ACVR1B: variants seen among roughly 807,000 people sequenced by gnomAD.
ACVR1B encodes activin receptor type-1B.
Under a neutral mutation model 55.6 loss-of-function variants are expected in ACVR1B, and 15 were observed. That is an observed-to-expected ratio of 0.27 (90% CI 0.18 to 0.42). The LOEUF (loss-of-function observed/expected upper bound fraction) is 0.42, where lower values mean the gene tolerates loss of function less well. Ranked by LOEUF, ACVR1B falls within the 10% of genes least tolerant of loss-of-function variation. The pLI, the probability that ACVR1B is intolerant of heterozygous loss-of-function variation, is 1.00. For missense variants in ACVR1B, 359 were observed against 670.1 expected, an observed-to-expected ratio of 0.54 and a Z score of 5.13; for synonymous variants, 247 against 254.6, an observed-to-expected ratio of 0.97 and a Z score of 0.28.
chr12:51,991,444 C>T (rs991406908), intron 7 of ACVR1B, among the ~76,000 whole-genome samples: 92 of 152,318 alleles, frequency 6.0e-4, no homozygotes, highest in African/African-American at 2.2e-3. Context: ...CACTCTTGTC[C>T]AGGCTGGAGT....
At chr12:51,979,154 G>A (rs1392682441) in intron 3 of ACVR1B, among the ~76,000 whole-genome samples, 1 of 109,286 alleles carries the variant, frequency 9.2e-6, no homozygotes, top group African/African-American at 3.9e-5. Flanking sequence ...CAAGAGCAAA[G>A]CTCCGTCTCA....
chr12:51,966,719 G>A (rs1941647570), intron 1 of ACVR1B, among the ~76,000 whole-genome samples: 1 of 152,152 alleles, frequency 6.6e-6, no homozygotes, highest in East Asian at 1.9e-4. Flanking sequence ...AAAGTGCTGG[G>A]ATTACAGGTG....
intron 1 of ACVR1B, among the ~76,000 whole-genome samples, chr12:51,955,747 G>A (rs527795418): frequency 3.9e-5 from 6 of 152,152 alleles, no homozygotes; most frequent in Non-Finnish European, 8.8e-5. Context: ...TTTCCTCTCT[G>A]TATTCATAAA....
At chr12:51,955,732 C>T (rs1184649560) in intron 1 of ACVR1B, among the ~76,000 whole-genome samples, 1 of 152,170 alleles carries the variant, frequency 6.6e-6, no homozygotes, top group African/African-American at 2.4e-5. Flanking sequence ...GGGTCTTAAT[C>T]TCATTTTCCT....
intron 1 of ACVR1B, among the ~76,000 whole-genome samples, chr12:51,962,679 C>T (rs1941558147): frequency 6.6e-6 from 1 of 152,088 alleles, no homozygotes; most frequent in African/African-American, 2.4e-5. Context: ...TAGTGCCAGA[C>T]ATTTTTTAAC....
At chr12:51,957,163 A>G (rs1237327968) in intron 1 of ACVR1B, among the ~76,000 whole-genome samples, 1 of 152,046 alleles carries the variant, frequency 6.6e-6, no homozygotes, top group African/African-American at 2.4e-5. Flanking sequence ...AGAGTGTATC[A>G]TAGGCCAGGC....
At chr12:51,977,783 ATT>A (rs748536892) in intron 3 of ACVR1B, among the ~76,000 whole-genome samples, 23 of 103,270 alleles carry the variant, frequency 2.2e-4, no homozygotes, top group African/African-American at 6.1e-4. Flanking sequence ...AAGCCTGGCA[ATT>A]TTTTTTTTTT....
At chr12:51,959,614 T>G (rs1941479239) in intron 1 of ACVR1B, among the ~76,000 whole-genome samples, 2 of 152,120 alleles carry the variant, frequency 1.3e-5, no homozygotes, top group Non-Finnish European at 1.5e-5. Context: ...GTTTAAAAAA[T>G]GTATGCATTG....
rs758529339 is a variant in ACVR1B at position 51,976,403 on chromosome 12, C to G, written c.408C>G (p.Phe136Leu). The G allele has an allele frequency of 6.2e-7, 1 of 1,614,166 alleles. No homozygotes were observed. Residue 136 changes from phenylalanine (F) to leucine (L), a missense_variant, in exon 3 of 9, where the codon TTC becomes TTG. Around this residue, in one of 5 missense-constraint regions of ACVR1B, gnomAD observed 133 missense variants for 188.2 expected, o/e 0.71. Transcript: ENST00000257963. The part of the protein sequence containing the change: ...ELVGIIAGPV[F>L]LLFLIIIIVF... ...TAGGCATCATCGCCGGCCCGGTGTT[C>G]CTCCTGTTCCTCATCATCATCATTG...
chr12:51,972,332 G>A (rs1041976655), intron 1 of ACVR1B, among the ~76,000 whole-genome samples: 1 of 152,176 alleles, frequency 6.6e-6, no homozygotes, highest in Non-Finnish European at 1.5e-5. Flanking sequence ...GTCAGTGAGG[G>A]ACCACACTGT....
chr12:51,962,452 T>C (rs1484394507), intron 1 of ACVR1B, among the ~76,000 whole-genome samples: 1 of 152,220 alleles, frequency 6.6e-6, no homozygotes, highest in African/African-American at 2.4e-5. Context: ...AGCTTTTTGT[T>C]TTAATGTATT....
At chr12:51,991,827 G>A (rs955677676) in intron 7 of ACVR1B, 36 bp from the exon 8 acceptor site, 67 of 1,600,820 alleles carry the variant, frequency 4.2e-5, no homozygotes, top group Non-Finnish European at 5.5e-5. Flanking sequence ...TTTTCCTGCT[G>A]TTGATAACTC....
At chr12:51,961,637 C>T (rs1293072357) in intron 1 of ACVR1B, among the ~76,000 whole-genome samples, 1 of 152,162 alleles carries the variant, frequency 6.6e-6, no homozygotes. Context: ...TCTTCTCACT[C>T]AAAACTGTGA....
intron 7 of ACVR1B, among the ~76,000 whole-genome samples, chr12:51,989,074 T>C (rs1462579134): frequency 6.6e-6 from 1 of 152,084 alleles, no homozygotes; most frequent in Non-Finnish European, 1.5e-5. Flanking sequence ...GCCTGGCCAA[T>C]GTGAAGCCCT....
chr12:51,976,613 T>A (rs759425901), intron 3 of ACVR1B, 38 bp downstream of exon 3: 1 of 1,606,870 alleles, frequency 6.2e-7, no homozygotes, highest in South Asian at 1.1e-5. Flanking sequence ...TGTGGTTGGC[T>A]TTCATCAGTT....
chr12:51,996,779 G>A lies in ACVR1B; in HGVS notation c.*2669G>A, dbSNP rs1367504158. 6.6e-6 allele frequency: 1 copy of A among 152,566 alleles called. No individual in the cohort carries two copies. Among genetic ancestry groups the A allele is most frequent in the Non-Finnish European group, 1.5e-5 (1 of 68,040 alleles). 9.5% of individuals were successfully genotyped at this position (152,566 alleles called of 1,614,324 possible). ...AGAGTTGGGGAGAAACTGAAGCCGT[G>A]TTTTTGGCCCCCCGAGGCTAACCCT... On this transcript the variant is annotated 3_prime_UTR_variant, in exon 9 of 9. Transcript: ENST00000257963.
Position 51,951,701 on chromosome 12 carries a change from G to C in ACVR1B, c.-43G>C. ...CCGGGGGCGCGCGCGCGCGCGCTGG[G>C]CGCTGCTGGGCTGCGGCGGCGGCGG... On this transcript the variant is annotated 5_prime_UTR_variant, in exon 1 of 9. Coordinates refer to ENST00000257963, the MANE Select transcript of ACVR1B (RefSeq NM_004302.5). 9.4e-7 allele frequency: 1 copy of C among 1,067,984 alleles called. No homozygotes were observed. The highest frequency in any genetic ancestry group is 1.1e-6 in the Non-Finnish European group (1 of 879,302). 66.2% of individuals were successfully genotyped at this position (1,067,984 alleles called of 1,614,324 possible).
chr12:51,966,532 T>G (rs1245858428), intron 1 of ACVR1B, among the ~76,000 whole-genome samples: 1 of 152,226 alleles, frequency 6.6e-6, no homozygotes, highest in Non-Finnish European at 1.5e-5. Flanking sequence ...CACTTCAGCT[T>G]CAGTCTCCTG....
chr12:51,969,644 G>A (rs1941708133), intron 1 of ACVR1B, among the ~76,000 whole-genome samples: 1 of 152,200 alleles, frequency 6.6e-6, no homozygotes, highest in Non-Finnish European at 1.5e-5. Flanking sequence ...ACTTGATCTG[G>A]ACTTTGAAAG....
Sources: gnomAD v4.1 joint callset for allele counts (sites outside exome capture counted in the v4.1 genomes callset) on GRCh38, gnomAD v4.1.1 for gene constraint, gnomAD v4.1.1 regional missense constraint, MANE v1.5 for transcripts, NCBI Gene and HGNC (gene_info 2026-07-23, HGNC 2026-07-21) for gene names.